Variants in GRM7 observed in about 807,000 individuals in gnomAD.
GRM7 encodes glutamate metabotropic receptor 7, also known as metabotropic glutamate receptor 7.
Under a neutral mutation model 84.5 loss-of-function variants are expected in GRM7, and 35 were observed. The observed-to-expected ratio is 0.41, with a 90% confidence interval of 0.32 to 0.55. The LOEUF (loss-of-function observed/expected upper bound fraction) is 0.55, where lower values mean the gene tolerates loss of function less well. Among genes scored for constraint, GRM7 ranks in the 20% least tolerant of loss-of-function variants. GRM7 has a pLI of 0.19. For synonymous variants in GRM7, 487 were observed against 455.1 expected (o/e 1.07, Z -0.89); for missense variants, 1,003 against 1,194.6 (o/e 0.84, Z 2.36).
chr3:7,448,587 C>T (rs1435342178), intron 5 of GRM7, among the ~76,000 whole-genome samples: 2 of 152,060 alleles, frequency 1.3e-5, no homozygotes, highest in African/African-American at 4.8e-5. Flanking sequence ...ATTGTGACTG[C>T]CACACTAGGG....
At chr3:7,406,708 A>G (rs368919686) in intron 4 of GRM7, among the ~76,000 whole-genome samples, 2 of 152,346 alleles carry the variant, frequency 1.3e-5, no homozygotes, top group East Asian at 1.9e-4. Context: ...TGCATCTCAC[A>G]TTGCTATTCA....
At chr3:7,091,568 C>A (rs944133158) in intron 1 of GRM7, among the ~76,000 whole-genome samples, 6 of 151,746 alleles carry the variant, frequency 4.0e-5, no homozygotes, top group Non-Finnish European at 8.8e-5. Context: ...TTTTCACTCC[C>A]TTCCAGAGTC....
rs1699338696 is a variant in GRM7, at chr3:7,486,769, C to T, written c.1515+25047C>T. The stretch of plus-strand genomic sequence containing the variant: ...CCTCAGGTATTCTACTACAGCAACA[C>T]CAAAGAAACTAAGAAAATGGATGCT... On this transcript the variant is annotated intron_variant, in intron 7 of 9. Coordinates refer to ENST00000357716, the MANE Select transcript of GRM7 (RefSeq NM_000844.4). This position sits in a 1 kb window ranked among gnomAD's most constrained non-coding sequence, Gnocchi z 5.5. Among the ~76,000 whole-genome samples the T allele has an allele frequency of 6.6e-6, 1 of 152,026 alleles. No homozygotes were observed. Among genetic ancestry groups the T allele is most frequent in the Non-Finnish European group, 1.5e-5 (1 of 68,018 alleles).
At chr3:7,463,008 G>T (rs1698312989) in intron 7 of GRM7, among the ~76,000 whole-genome samples, 3 of 152,296 alleles carry the variant, frequency 2.0e-5, no homozygotes, top group African/African-American at 7.2e-5. Context: ...CAAGGTGGGG[G>T]AGTAGTAATC....
intron 1 of GRM7, among the ~76,000 whole-genome samples, chr3:7,074,406 A>G (rs1697991319): frequency 6.6e-6 from 1 of 152,192 alleles, no homozygotes; most frequent in Non-Finnish European, 1.5e-5. Flanking sequence ...TGCTCTGTGC[A>G]ACACTGCTCT....
At chr3:7,557,617 G>A (rs1421034935) in intron 7 of GRM7, among the ~76,000 whole-genome samples, 1 of 152,074 alleles carries the variant, frequency 6.6e-6, no homozygotes, top group Non-Finnish European at 1.5e-5. Flanking sequence ...TGATTATAAA[G>A]ATGTAGTGAC....
intron 2 of GRM7, among the ~76,000 whole-genome samples, chr3:7,200,790 C>G (rs1218392510): frequency 6.6e-6 from 1 of 152,078 alleles, no homozygotes; most frequent in Non-Finnish European, 1.5e-5. Flanking sequence ...AAATGCATCT[C>G]AAGTGACTGC....
At chr3:7,189,516 T>A (rs1028838962) in intron 2 of GRM7, among the ~76,000 whole-genome samples, 3 of 152,208 alleles carry the variant, frequency 2.0e-5, no homozygotes, top group East Asian at 1.9e-4. Context: ...CAACTACAGC[T>A]GCTGTTATCA....
chr3:7,384,423 T>A (rs1290285368), intron 4 of GRM7, among the ~76,000 whole-genome samples: 1 of 152,186 alleles, frequency 6.6e-6, no homozygotes, highest in Non-Finnish European at 1.5e-5. Context: ...TTTTAATTGT[T>A]GAAGTTTGTG....
At chr3:7,592,196 G>A (rs1377931383) in intron 8 of GRM7, among the ~76,000 whole-genome samples, 1 of 152,008 alleles carries the variant, frequency 6.6e-6, no homozygotes, top group Non-Finnish European at 1.5e-5. Context: ...CATTCTAGTA[G>A]CCAGAGACAG....
chr3:7,237,118 A>T (rs1178109088), intron 2 of GRM7, among the ~76,000 whole-genome samples: 1 of 152,194 alleles, frequency 6.6e-6, no homozygotes, highest in Non-Finnish European at 1.5e-5. Context: ...AGGTAAAAAA[A>T]CTGAAACTCA....
chr3:7,723,007 A>G (rs775908802), intron 9 of GRM7, among the ~76,000 whole-genome samples: 2 of 152,198 alleles, frequency 1.3e-5, no homozygotes, highest in Admixed American at 6.5e-5. Flanking sequence ...GACTTCAAAC[A>G]TTCAGAAAAG....
chr3:7,470,052 A>C (rs1481590309), intron 7 of GRM7, among the ~76,000 whole-genome samples: 1 of 152,194 alleles, frequency 6.6e-6, no homozygotes, highest in East Asian at 1.9e-4. Flanking sequence ...TCAAAGGAGC[A>C]GCTTTCCACT....
intron 2 of GRM7, among the ~76,000 whole-genome samples, chr3:7,202,087 C>A (rs2125114553): frequency 6.6e-6 from 1 of 151,958 alleles, no homozygotes; most frequent in South Asian, 2.1e-4. Context: ...TATCTATTCT[C>A]CAGTAGCATT....
chr3:7,589,385 A>G (rs941958006), intron 8 of GRM7, among the ~76,000 whole-genome samples: 3 of 152,222 alleles, frequency 2.0e-5, no homozygotes, highest in African/African-American at 7.2e-5. Context: ...AGTGGACTGC[A>G]TAGGGATAAG....
intron 7 of GRM7, among the ~76,000 whole-genome samples, chr3:7,542,840 C>T (rs1355959746): frequency 6.6e-6 from 1 of 152,128 alleles, no homozygotes; most frequent in Non-Finnish European, 1.5e-5. Flanking sequence ...GCCACTGCAC[C>T]CAGCCCATGC....
chr3:6,905,860 G>C (rs977711019), intron 1 of GRM7, among the ~76,000 whole-genome samples: 1 of 152,156 alleles, frequency 6.6e-6, no homozygotes, highest in African/African-American at 2.4e-5. Flanking sequence ...CTAATGAAAT[G>C]ATGGTATGAT....
At chr3:7,092,025 T>A (rs2125009835) in intron 1 of GRM7, among the ~76,000 whole-genome samples, 1 of 152,190 alleles carries the variant, frequency 6.6e-6, no homozygotes, top group East Asian at 1.9e-4. Flanking sequence ...TTTTAATATT[T>A]TGAGATGGAA....
chr3:7,247,726 C>A (rs541217310), intron 2 of GRM7, among the ~76,000 whole-genome samples: 1 of 151,066 alleles, frequency 6.6e-6, no homozygotes, highest in Non-Finnish European at 1.5e-5. Flanking sequence ...ACAATATATA[C>A]CCCCATCTCC....
Sources: allele counts gnomAD v4.1 joint callset (sites outside exome capture counted in the v4.1 genomes callset), GRCh38; gene constraint gnomAD v4.1.1; non-coding constraint Gnocchi (gnomAD v3.1); transcripts MANE v1.5; gene names NCBI Gene and HGNC (gene_info 2026-07-23, HGNC 2026-07-21).